RYR3: variants seen among roughly 807,000 people sequenced by gnomAD.
The protein encoded by RYR3 is ryanodine receptor 3, also known as brain ryanodine receptor-calcium release channel.
Under a neutral mutation model 584.3 loss-of-function variants are expected in RYR3, and 207 were observed. That is an observed-to-expected ratio of 0.35 (90% CI 0.32 to 0.40). The LOEUF (loss-of-function observed/expected upper bound fraction) is 0.40, where lower values mean the gene tolerates loss of function less well. Ranked by LOEUF, RYR3 falls within the 10% of genes least tolerant of loss-of-function variation. The probability of loss-of-function intolerance (pLI) is 1.00; values close to 1 mark genes in which losing one functional copy is unlikely to be tolerated. For synonymous variants in RYR3, 2,416 were observed against 2,248.5 expected (o/e 1.07, Z -2.11); for missense variants, 5,616 against 6,089.2 (o/e 0.92, Z 2.59).
chr15:33,369,256 C>T (rs1318476110), intron 1 of RYR3, among the ~76,000 whole-genome samples: 1 of 152,200 alleles, frequency 6.6e-6, no homozygotes, highest in Non-Finnish European at 1.5e-5. Flanking sequence ...GTTGTCCTAA[C>T]ATAGACCTTG....
chr15:33,810,034 G>A (rs1313771982), intron 70 of RYR3, among the ~76,000 whole-genome samples: 1 of 152,194 alleles, frequency 6.6e-6, no homozygotes, highest in African/African-American at 2.4e-5. Context: ...ATGGTGAGGT[G>A]TTCCAAAACA....
At position 33,644,354 on chromosome 15, in the gene RYR3, C is replaced by T. The variant is rs758952354; in HGVS notation, c.3600C>T (p.Arg1200=). 6.2e-7 allele frequency: 1 copy of T among 1,613,148 alleles called. No individual in the cohort carries two copies. The highest frequency in any genetic ancestry group is 1.1e-5 in the South Asian group (1 of 90,718). The change falls in exon 28 of 104, where the codon CGC becomes CGT. Residue 1200 remains arginine, a synonymous_variant. Coordinates refer to ENST00000634891, the MANE Select transcript of RYR3 (RefSeq NM_001036.6). The stretch of plus-strand genomic sequence containing the variant: ...GTCTGGGTCTATCTCAGATCGGCCG[C>T]ATGAATCTCGGGACAGATGCCAGTA... The part of the protein sequence containing the change: ...ICCLGLSQIG[R]MNLGTDASTF...
intron 86 of RYR3, among the ~76,000 whole-genome samples, chr15:33,834,694 G>T (rs2152976270): frequency 6.6e-6 from 1 of 152,260 alleles, no homozygotes; most frequent in Admixed American, 6.5e-5. Context: ...TTGTTCTCCA[G>T]TGTAAGCTTT....
intron 1 of RYR3, among the ~76,000 whole-genome samples, chr15:33,379,687 C>CTCTCTCTCTCTATA: frequency 6.4e-5 from 8 of 125,500 alleles, no homozygotes; most frequent in African/African-American, 2.8e-4. Flanking sequence ...CTCTCTCTCT[C>CTCTCTCTCTCTATA]TATATATATA....
intron 94 of RYR3, chr15:33,850,382 A>C (rs75351325): frequency 9.2e-6 from 1 of 108,326 alleles, no homozygotes; most frequent in African/African-American, 3.1e-5. Context: ...ACTTCATCTC[A>C]AAAAAAAAAA....
chr15:33,547,805 C>T (rs769238985), intron 8 of RYR3, among the ~76,000 whole-genome samples: 6 of 152,126 alleles, frequency 3.9e-5, no homozygotes, highest in Non-Finnish European at 5.9e-5. Context: ...CTGTGTCTGC[C>T]GTCATTGTGT....
intron 60 of RYR3, among the ~76,000 whole-genome samples, chr15:33,768,222 C>T (rs1347311931): frequency 2.0e-5 from 3 of 152,224 alleles, no homozygotes; most frequent in Admixed American, 1.3e-4. Context: ...AACCTCCCAA[C>T]TAAAACTTCA....
intron 67 of RYR3, among the ~76,000 whole-genome samples, chr15:33,798,714 G>C: frequency 6.6e-6 from 1 of 152,214 alleles, no homozygotes; most frequent in East Asian, 1.9e-4. Flanking sequence ...TACTATGGAA[G>C]AAGAGGAGAA....
intron 1 of RYR3, among the ~76,000 whole-genome samples, chr15:33,381,327 C>T (rs1002837929): frequency 8.5e-5 from 13 of 152,162 alleles, no homozygotes; most frequent in South Asian, 2.1e-4. Context: ...AATTAGCAGC[C>T]GAACCCCTGG....
At chr15:33,548,265 C>T in intron 9 of RYR3, 61 bp downstream of exon 9, 1 of 1,010,426 alleles carries the variant, frequency 9.9e-7, no homozygotes, top group Non-Finnish European at 1.5e-6. Context: ...ACAGGCCGTT[C>T]TCTTAAATAT....
rs762429634 is a variant in RYR3 at position 33,731,507 on chromosome 15, C to A, written c.7237C>A (p.Leu2413Ile). ...AAGCACCACAGAGGCTGCGCTTGCA[C>A]TAAATAGGTATATATGTTCTGCTGT... Reference protein sequence around the residue: ...SLSTTEAALALNRYICSAVLP... With the variant: ...SLSTTEAALAINRYICSAVLP... The change falls in exon 48 of 104, where the codon CTA (leucine) becomes ATA (isoleucine). Residue 2413 changes from leucine to isoleucine, a missense_variant. Physicochemically the swap from Leu to Ile is conservative, Grantham distance 5. Coordinates refer to ENST00000634891, the MANE Select transcript of RYR3 (RefSeq NM_001036.6). 6.2e-7 allele frequency: 1 copy of A among 1,613,480 alleles called. No homozygotes were observed. The highest frequency in any genetic ancestry group is 2.2e-5 in the East Asian group (1 of 44,882).
chr15:33,845,444 G>C (rs777377095), intron 93 of RYR3, among the ~76,000 whole-genome samples: 1 of 152,162 alleles, frequency 6.6e-6, no homozygotes, highest in Non-Finnish European at 1.5e-5. Context: ...AGTAGAGACA[G>C]GGTTTCACTA....
chr15:33,816,859 C>T lies in RYR3; in HGVS notation c.10503-3C>T. 1.2e-6 allele frequency: 2 copies of T among 1,607,444 alleles called. No individual in the cohort carries two copies. The highest frequency in any genetic ancestry group is 1.7e-6 in the Non-Finnish European group (2 of 1,175,198). On this transcript the variant is annotated splice_polypyrimidine_tract_variant and splice_region_variant and intron_variant, in intron 74 of 103. Transcript: ENST00000634891. The stretch of plus-strand genomic sequence containing the variant: ...TGACCTCCCTCTCACCCCTTCCGCT[C>T]AGGCACCGCTCTATTAACCTCTTCC...
At chr15:33,574,585 A>G (rs1205035288) in intron 12 of RYR3, among the ~76,000 whole-genome samples, 1 of 152,126 alleles carries the variant, frequency 6.6e-6, no homozygotes, top group Non-Finnish European at 1.5e-5. Flanking sequence ...GTCCCCCATT[A>G]TTCCTTCCCC....
Position 33,586,802 on chromosome 15 carries a change from G to A in RYR3, c.1788+686G>A, listed in dbSNP as rs114464911. ...ATCTCTAAAACACAGTGATCTGTGG[G>A]GAAAGTCTACTAAAATATGGGGAGT... On this transcript the variant is annotated intron_variant, in intron 16 of 103. Transcript: ENST00000634891. Among the ~76,000 whole-genome samples the A allele has an allele frequency of 7.4e-3, 1,123 of 152,218 alleles. 20 individuals are homozygous for A. Among genetic ancestry groups the A allele is most frequent in the African/African-American group, 0.025 (1,052 of 41,534 alleles).
chr15:33,584,496 A>C lies in RYR3; in HGVS notation c.1669+6A>C. On this transcript the variant is annotated splice_donor_region_variant and intron_variant, in intron 15 of 103. Coordinates refer to ENST00000634891, the MANE Select transcript of RYR3 (RefSeq NM_001036.6). ...CAGACTAGAATCTTCCTCAGGTGAG[A>C]ATTGACAGGAAACTATAACTAGAAA... 1 of 1,333,076 alleles carries C rather than the reference A, an allele frequency of 7.5e-7. No homozygotes were observed. Among genetic ancestry groups the C allele is most frequent in the East Asian group, 2.3e-5 (1 of 42,968 alleles). The allele number at this position is 1,333,076 out of a possible 1,614,324, so 82.6% of individuals were successfully genotyped here.
chr15:33,804,319 C>T (rs529387416), intron 69 of RYR3, among the ~76,000 whole-genome samples: 3 of 152,168 alleles, frequency 2.0e-5, no homozygotes, highest in African/African-American at 7.2e-5. Flanking sequence ...TTGCCATGGT[C>T]CTCAGGGTAA....
chr15:33,380,210 AT>A (rs965939415), intron 1 of RYR3, among the ~76,000 whole-genome samples: 12 of 152,074 alleles, frequency 7.9e-5, no homozygotes, highest in African/African-American at 2.9e-4. Context: ...GACACCTAAT[AT>A]TAACCATCAC....
At chr15:33,574,238 G>A (rs1595665062) in intron 12 of RYR3, among the ~76,000 whole-genome samples, 1 of 152,134 alleles carries the variant, frequency 6.6e-6, no homozygotes. Flanking sequence ...TTCCTATCAT[G>A]TAAAGAATTA....
Sources: allele counts gnomAD v4.1 joint callset (sites outside exome capture counted in the v4.1 genomes callset), GRCh38; gene constraint gnomAD v4.1.1; transcripts MANE v1.5; gene names NCBI Gene and HGNC (gene_info 2026-07-23, HGNC 2026-07-21).